The following ADAMTS9 variants were observed in gnomAD, a reference collection of about 807,000 sequenced individuals.
ADAMTS9 encodes ADAM metallopeptidase with thrombospondin type 1 motif 9.
Under a neutral mutation model 257.1 loss-of-function variants are expected in ADAMTS9, and 107 were observed. That is an observed-to-expected ratio of 0.42 (90% CI 0.36 to 0.49). ADAMTS9 has a LOEUF of 0.49. Among genes scored for constraint, ADAMTS9 ranks in the 20% least tolerant of loss-of-function variants. ADAMTS9 has a pLI of 0.03. For missense variants in ADAMTS9, 2,353 were observed against 2,469.1 expected, an observed-to-expected ratio of 0.95 and a Z score of 1.00; for synonymous variants, 982 against 880.9, an observed-to-expected ratio of 1.11 and a Z score of -2.03.
Position 64,541,187 on chromosome 3 carries a change from C to T in ADAMTS9, c.5429G>A (p.Arg1810His), listed in dbSNP as rs149060903. Residue 1810 changes from arginine (R) to histidine (H), a missense_variant, in exon 36 of 40, where the codon CGC (arginine) becomes CAC (histidine). Around this residue, in one of 3 missense-constraint regions of ADAMTS9, gnomAD observed 1,402 missense variants for 1,441.4 expected, o/e 0.97. Transcript: ENST00000498707. ...PTECPYNGSR[R>H]DDCQCRKDYT... ...ATCCTTCCGACATTGGCAGTCATCG[C>T]GCCGGCTCCCGTTATAGGGACATTC... is the stretch of plus-strand genomic sequence containing the variant. 941 of 1,614,174 alleles carry T rather than the reference C, an allele frequency of 5.8e-4. 1 individual carries two copies. Among genetic ancestry groups the T allele is most frequent in the Middle Eastern group, 1.3e-3 (8 of 6,060 alleles).
chr3:64,593,967 G>A (rs1201138421), intron 28 of ADAMTS9, among the ~76,000 whole-genome samples: 116 of 99,844 alleles, frequency 1.2e-3, no homozygotes, highest in African/African-American at 4.8e-3. Context: ...TATGATGTGT[G>A]TGTGTGTGTG....
chr3:64,662,778 T>C (rs149829199), intron 3 of ADAMTS9, among the ~76,000 whole-genome samples: 2 of 152,188 alleles, frequency 1.3e-5, no homozygotes, highest in African/African-American at 4.8e-5. Context: ...AGTAGAGTAG[T>C]ACAAGTTGGG....
chr3:64,559,370 A>G (rs371769061), intron 30 of ADAMTS9, among the ~76,000 whole-genome samples: 4 of 152,266 alleles, frequency 2.6e-5, no homozygotes, highest in Admixed American at 6.5e-5. Flanking sequence ...TACCATAGGA[A>G]TATCATAGGA....
At chr3:64,630,340 G>C (rs1700336995) in intron 16 of ADAMTS9, among the ~76,000 whole-genome samples, 1 of 152,214 alleles carries the variant, frequency 6.6e-6, no homozygotes, top group African/African-American at 2.4e-5. Flanking sequence ...AAGGCAGGAA[G>C]ATCGCTTGAG....
Position 64,594,356 on chromosome 3 carries a change from A to T in ADAMTS9, c.4258T>A (p.Leu1420Met). The change falls in exon 28 of 40, where the codon TTG becomes ATG. Residue 1420 changes from leucine to methionine, a missense_variant. Coordinates refer to ENST00000498707, the MANE Select transcript of ADAMTS9 (RefSeq NM_182920.2). ...GGTTTATCAAGAATTTCACAGCTCAAATCTGGAAACCGTTCACCGTTGGAC... is the reference window on the plus strand; with the variant it reads ...GGTTTATCAAGAATTTCACAGCTCATATCTGGAAACCGTTCACCGTTGGAC... The part of the protein sequence containing the change: ...QRSNGERFPD[L>M]SCEILDKPPD... The T allele has an allele frequency of 6.2e-7, 1 of 1,614,092 alleles. No individual in the cohort carries two copies. The highest frequency in any genetic ancestry group is 8.5e-7 in the Non-Finnish European group (1 of 1,179,978).
At chr3:64,680,750 C>T (rs578182500) in intron 3 of ADAMTS9, among the ~76,000 whole-genome samples, 7 of 152,158 alleles carry the variant, frequency 4.6e-5, no homozygotes, top group Admixed American at 1.3e-4. Flanking sequence ...TATATGTTTT[C>T]GTGGCTTCCA....
chr3:64,540,992 ATGTG>A, intron 36 of ADAMTS9, 99 bp downstream of exon 36: 2 of 1,450,224 alleles, frequency 1.4e-6, no homozygotes, highest in Non-Finnish European at 1.9e-6. Flanking sequence ...GCAATGTGCA[ATGTG>A]CAATACGCAC....
chr3:64,561,634 C>G lies in ADAMTS9; in HGVS notation c.4642G>C (p.Asp1548His), dbSNP rs562473718. 4 of 1,614,090 alleles carry G rather than the reference C, an allele frequency of 2.5e-6. No homozygotes were observed. The highest frequency in any genetic ancestry group is 1.3e-5 in the African/African-American group (1 of 75,008). Reference protein sequence around the residue: ...NPYTRPESERDCQGPRCPLYT... With the variant: ...NPYTRPESERHCQGPRCPLYT... ...AGGGGACACCGTGGGCCTTGGCAGT[C>G]GCGTTCCGACTCCGGTCTGGTGTAT... The change falls in exon 30 of 40, where the codon GAC (aspartate) becomes CAC (histidine). Residue 1548 changes from aspartate (D) to histidine (H), a missense_variant. By Grantham distance (81) the Asp-to-His change is moderately conservative. Around this residue, in one of 3 missense-constraint regions of ADAMTS9, gnomAD observed 1,402 missense variants for 1,441.4 expected, o/e 0.97. Coordinates refer to ENST00000498707, the MANE Select transcript of ADAMTS9 (RefSeq NM_182920.2).
At chr3:64,578,459 T>C (rs1019685737) in intron 28 of ADAMTS9, among the ~76,000 whole-genome samples, 14 of 152,186 alleles carry the variant, frequency 9.2e-5, no homozygotes, top group Non-Finnish European at 1.5e-4. Context: ...CTCTGAGATG[T>C]ATTCAGATGG....
rs1002493555 is a variant in ADAMTS9, at chr3:64,628,640, G to A, written c.2389+2815C>T. Among the ~76,000 whole-genome samples, 4 of 152,270 alleles carry A rather than the reference G, an allele frequency of 2.6e-5. No homozygotes were observed. In the South Asian group the frequency reaches 8.3e-4, roughly 32 times the overall value. On this transcript the variant is annotated intron_variant, in intron 16 of 39. Transcript: ENST00000498707. ...ACTTTGTTAATTGTCTTATAAAGTT[G>A]TCACTCATTTGGATGTTTGGGGTAG... is the stretch of plus-strand genomic sequence containing the variant.
chr3:64,639,756 G>A (rs1340812704), intron 12 of ADAMTS9, among the ~76,000 whole-genome samples: 5 of 152,048 alleles, frequency 3.3e-5, no homozygotes, highest in African/African-American at 7.2e-5. Flanking sequence ...TAGTTGTTAC[G>A]ATACAAGGTT....
At chr3:64,576,848 C>T (rs1312259330) in intron 28 of ADAMTS9, among the ~76,000 whole-genome samples, 1 of 152,054 alleles carries the variant, frequency 6.6e-6, no homozygotes, top group Non-Finnish European at 1.5e-5. Flanking sequence ...ATATGAGAAC[C>T]AAGTAGGTGG....
chr3:64,620,444 C>T (rs1243684876), intron 19 of ADAMTS9, among the ~76,000 whole-genome samples: 1 of 149,510 alleles, frequency 6.7e-6, no homozygotes, highest in Non-Finnish European at 1.5e-5. Flanking sequence ...AACAGCAACT[C>T]ACCTTAACTG....
chr3:64,530,526 T>A (rs1470869315), intron 38 of ADAMTS9, among the ~76,000 whole-genome samples: 16 of 116,604 alleles, frequency 1.4e-4, no homozygotes, highest in South Asian at 8.3e-4. Context: ...CACCAAGATT[T>A]AAAAAAAAAA....
At chr3:64,530,918 T>C (rs2082973124) in intron 38 of ADAMTS9, among the ~76,000 whole-genome samples, 1 of 152,158 alleles carries the variant, frequency 6.6e-6, no homozygotes, top group African/African-American at 2.4e-5. Context: ...AAATATACGA[T>C]TTTTATTTGT....
In ADAMTS9 at chr3:64,593,614, G is replaced by A. The variant is rs9839902; in HGVS notation, c.4356+644C>T. On this transcript the variant is annotated intron_variant, in intron 28 of 39. Coordinates refer to ENST00000498707, the MANE Select transcript of ADAMTS9 (RefSeq NM_182920.2). The stretch of plus-strand genomic sequence containing the variant: ...AGCTGCTGGCTAAGCAGATAGCAAA[G>A]GAAGACTAGGACCAAAGCAAAAAAT... Among the ~76,000 whole-genome samples the A allele has an allele frequency of 1.2e-3, 178 of 152,292 alleles. 1 individual carries two copies. The highest frequency in any genetic ancestry group is 4.0e-3 in the African/African-American group (166 of 41,576).
intron 23 of ADAMTS9, among the ~76,000 whole-genome samples, chr3:64,605,018 A>C (rs1333577790): frequency 6.6e-6 from 1 of 152,228 alleles, no homozygotes; most frequent in African/African-American, 2.4e-5. Flanking sequence ...TATTCATCAA[A>C]TGCCTGAGTG....
At chr3:64,643,945 G>T (rs939957213) in intron 11 of ADAMTS9, among the ~76,000 whole-genome samples, 1 of 152,114 alleles carries the variant, frequency 6.6e-6, no homozygotes, top group Non-Finnish European at 1.5e-5. Context: ...AATACAACAG[G>T]TCTCACTGGG....
At chr3:64,608,326 C>T (rs1398336474) in intron 22 of ADAMTS9, among the ~76,000 whole-genome samples, 1 of 123,554 alleles carries the variant, frequency 8.1e-6, no homozygotes, top group East Asian at 2.5e-4. Context: ...AAATGAAATA[C>T]AGAGTAGAAG....
Sources: allele counts gnomAD v4.1 joint callset (sites outside exome capture counted in the v4.1 genomes callset), GRCh38; gene constraint gnomAD v4.1.1; regional missense constraint gnomAD v4.1.1; transcripts MANE v1.5; gene names NCBI Gene and HGNC (gene_info 2026-07-23, HGNC 2026-07-21).